The following ANKZF1 variants were observed in gnomAD, a reference collection of about 807,000 sequenced individuals.
ANKZF1 encodes tRNA endonuclease ANKZF1.
Under a neutral mutation model 86.0 loss-of-function variants are expected in ANKZF1, and 84 were observed. The ratio of observed to expected loss-of-function variants is 0.98; its 90% CI spans 0.82 to 1.17. ANKZF1 has a LOEUF of 1.17. Among genes scored for constraint, ANKZF1 ranks in the 50% most tolerant of loss-of-function variants. ANKZF1 has a pLI of 0.00. For missense variants in ANKZF1, 893 were observed against 918.4 expected (o/e 0.97, Z 0.36); for synonymous variants, 331 against 354.2 (o/e 0.93, Z 0.74).
Position 219,232,666 on chromosome 2 carries a change from G to A in ANKZF1, c.541G>A (p.Val181Ile). 6.2e-7 allele frequency: 1 copy of A among 1,614,016 alleles called. No individual in the cohort carries two copies. The highest frequency in any genetic ancestry group is 8.5e-7 in the Non-Finnish European group (1 of 1,180,018). Residue 181 changes from valine (V) to isoleucine (I), a missense_variant, in exon 5 of 14, where the codon GTC (valine) becomes ATC (isoleucine). Val to Ile is a conservative substitution (Grantham distance 29). Coordinates refer to ENST00000323348, the MANE Select transcript of ANKZF1 (RefSeq NM_018089.3). ...CCAGTTTCTTTATGCCTACCGCTGT[G>A]TCCTAGGCCCTCATCAGGCAAGTGA... ...QGQFLYAYRC[V>I]LGPHQDPPEE...
At position 219,235,479 on chromosome 2, in the gene ANKZF1, C is replaced by T. The variant is rs2293075; in HGVS notation, c.1697C>T (p.Ser566Phe). 14 of 1,613,806 alleles carry T rather than the reference C, an allele frequency of 8.7e-6. No individual in the cohort carries two copies. Among genetic ancestry groups the T allele is most frequent in the Non-Finnish European group, 1.1e-5 (13 of 1,179,948 alleles). Residue 566 changes from serine (S) to phenylalanine (F), a missense_variant, in exon 11 of 14, where the codon TCT becomes TTT. Transcript: ENST00000323348. The stretch of plus-strand genomic sequence containing the variant: ...TTTGGAGTTTTTGCACCTAGGGACT[C>T]TCGGGCCCGGCCACCTTATACTGTT... ...EAGADPTVQD[S>F]RARPPYTVAA... is the part of the protein sequence containing the mutation.
intron 7 of ANKZF1, 72 bp from the exon 8 acceptor site, chr2:219,233,643 G>A: frequency 6.6e-7 from 1 of 1,511,244 alleles, no homozygotes; most frequent in Non-Finnish European, 8.9e-7. Context: ...ACTTCTGTGG[G>A]CCATTTTTTT....
intron 13 of ANKZF1, 71 bp downstream of exon 13, chr2:219,236,166 G>T (rs560538029): frequency 8.0e-5 from 128 of 1,601,508 alleles, no homozygotes; most frequent in Non-Finnish European, 1.1e-4. Flanking sequence ...AGAGAAATGA[G>T]TACCTGCACA....
intron 2 of ANKZF1, chr2:219,231,335 C>T (rs1280076507): frequency 1.8e-5 from 4 of 224,516 alleles, no homozygotes; most frequent in Non-Finnish European, 3.0e-5. Flanking sequence ...TTACCCTCAT[C>T]GGATTCTTTT....
Position 219,232,573 on chromosome 2 carries a change from A to T in ANKZF1, c.448A>T (p.Thr150Ser). 6.2e-7 allele frequency: 1 copy of T among 1,614,214 alleles called. No individual in the cohort carries two copies. Among genetic ancestry groups the T allele is most frequent in the Non-Finnish European group, 8.5e-7 (1 of 1,180,040 alleles). The change falls in exon 5 of 14, where the codon ACA becomes TCA. Residue 150 changes from threonine to serine, a missense_variant. Thr to Ser is a moderately conservative substitution (Grantham distance 58, BLOSUM62 1). Transcript: ENST00000323348. ...GCAGACACTGGATCGGGAGAGGGCT[A>T]CATTTGAGAAGTTGAGCCGACCCCC... ...DLQTLDRERA[T>S]FEKLSRPPGF...
At chr2:219,234,367 T>C in intron 9 of ANKZF1, 79 bp downstream of exon 9, 1 of 1,576,826 alleles carries the variant, frequency 6.3e-7, no homozygotes, top group Non-Finnish European at 8.7e-7. Context: ...CTCTCATAAC[T>C]GACCCATTTC....
At position 219,230,252 on chromosome 2, in the gene ANKZF1, TCAGC is replaced by T; in HGVS notation, c.-3_1del. 6.2e-7 allele frequency: 1 copy of T among 1,612,358 alleles called. No individual in the cohort carries two copies. Among genetic ancestry groups the T allele is most frequent in the African/African-American group, 1.3e-5 (1 of 75,014 alleles). On this transcript the variant is annotated 5_prime_UTR_variant, in exon 2 of 14. Coordinates refer to ENST00000323348, the MANE Select transcript of ANKZF1 (RefSeq NM_018089.3). ...GGAGCTGCTGCTAAATAATTTCTGC[TCAGC>T]CATGTCGCCGGCTCCAGATGCAGCC... is the stretch of plus-strand genomic sequence containing the variant.
At position 219,233,791 on chromosome 2, in the gene ANKZF1, C is replaced by T; in HGVS notation, c.896C>T (p.Pro299Leu). Reference sequence around the variant, plus strand: ...GCTGGTACAATACTGTTGCGTGCTCCCCGCTCTGGCCGGTCTTTGTTCTTT... The same window carrying T: ...GCTGGTACAATACTGTTGCGTGCTCTCCGCTCTGGCCGGTCTTTGTTCTTT... ...EEAGTILLRAPRSGRSLFFGG... is the reference protein window; with the variant it reads ...EEAGTILLRALRSGRSLFFGG... The change falls in exon 8 of 14, where the codon CCC (proline) becomes CTC (leucine). Residue 299 changes from proline (P) to leucine (L), a missense_variant. Transcript: ENST00000323348. 5.0e-6 allele frequency: 8 copies of T among 1,614,124 alleles called. No homozygotes were observed. The highest frequency in any genetic ancestry group is 6.8e-6 in the Non-Finnish European group (8 of 1,180,038).
At chr2:219,233,594 ATTCT>A (rs1397527152) in intron 7 of ANKZF1, 117 bp from the exon 8 acceptor site, 1 of 1,404,212 alleles carries the variant, frequency 7.1e-7, no homozygotes, top group East Asian at 2.3e-5. Context: ...TTAGTCCTCT[ATTCT>A]TTCTCCGTGT....
At chr2:219,233,639 G>A in intron 7 of ANKZF1, 76 bp from the exon 8 acceptor site, 3 of 1,504,390 alleles carry the variant, frequency 2.0e-6, no homozygotes, top group Non-Finnish European at 2.7e-6. Context: ...TTGCACTTCT[G>A]TGGGCCATTT....
chr2:219,234,680 G>A, intron 9 of ANKZF1, 146 bp from the exon 10 acceptor site: 1 of 1,080,500 alleles, frequency 9.3e-7, no homozygotes, highest in Non-Finnish European at 1.3e-6. Flanking sequence ...TTCTGCATGT[G>A]ATATAATGGA....
At chr2:219,235,344 G>A in intron 10 of ANKZF1, 32 bp downstream of exon 10, 2 of 1,598,996 alleles carry the variant, frequency 1.3e-6, no homozygotes, top group Non-Finnish European at 1.7e-6. Context: ...GAGTCATTTT[G>A]GGTATAGAGA....
chr2:219,232,306 G>A lies in ANKZF1; in HGVS notation c.308G>A (p.Arg103His), dbSNP rs765254854. 2.2e-5 allele frequency: 35 copies of A among 1,614,080 alleles called. No individual in the cohort carries two copies. Among genetic ancestry groups the A allele is most frequent in the Admixed American group, 3.3e-5 (2 of 59,996 alleles). Residue 103 changes from arginine to histidine, a missense_variant, in exon 4 of 14, where the codon CGT becomes CAT. Physicochemically the swap from Arg to His is conservative, Grantham distance 29. Transcript: ENST00000323348. ...LDWHRFNLKQ[R>H]LKDKPLLSAL... is the part of the protein sequence containing the mutation. ...TGGCATCGGTTTAACCTAAAGCAACGTCTCAAGGACAAGCCTCTCCTGTCT... is the reference window on the plus strand; with the variant it reads ...TGGCATCGGTTTAACCTAAAGCAACATCTCAAGGACAAGCCTCTCCTGTCT...
At chr2:219,232,953 T>C in intron 5 of ANKZF1, 126 bp from the exon 6 acceptor site, 2 of 994,838 alleles carry the variant, frequency 2.0e-6, no homozygotes, top group Non-Finnish European at 3.0e-6. Context: ...ATTTCCTTGT[T>C]TGTCAAATGG....
At position 219,232,000 on chromosome 2, in the gene ANKZF1, G is replaced by C; in HGVS notation, c.221G>C (p.Cys74Ser). ...GPMDISEKLFCSTCDQTFQNH... is the reference protein window; with the variant it reads ...GPMDISEKLFSSTCDQTFQNH... ...ATGGATATTTCAGAGAAGTTATTTT[G>C]TTCAACTTGTGACCAGACCTTCCAG... Residue 74 changes from cysteine (C) to serine (S), a missense_variant, in exon 3 of 14, where the codon TGT (cysteine) becomes TCT (serine). Coordinates refer to ENST00000323348, the MANE Select transcript of ANKZF1 (RefSeq NM_018089.3). The C allele has an allele frequency of 6.2e-7, 1 of 1,613,068 alleles. No individual in the cohort carries two copies. Among genetic ancestry groups the C allele is most frequent in the Non-Finnish European group, 8.5e-7 (1 of 1,179,724 alleles).
Position 219,233,371 on chromosome 2 carries a change from G to C in ANKZF1, c.757G>C (p.Gly253Arg). 6.2e-7 allele frequency: 1 copy of C among 1,614,250 alleles called. No homozygotes were observed. Among genetic ancestry groups the C allele is most frequent in the Non-Finnish European group, 8.5e-7 (1 of 1,180,052 alleles). The change falls in exon 7 of 14, where the codon GGT becomes CGT. Residue 253 changes from glycine (G) to arginine (R), a missense_variant. Gly to Arg is a moderately radical substitution (Grantham distance 125). Coordinates refer to ENST00000323348, the MANE Select transcript of ANKZF1 (RefSeq NM_018089.3). ...GTAQGLRDARGGPSHSAGANL... is the reference protein window; with the variant it reads ...GTAQGLRDARRGPSHSAGANL... ...AGCCCAGGGGCTTCGGGATGCCCGA[G>C]GTGGGCCATCACACTCTGCTGGAGC...
chr2:219,230,804 TCTC>T (rs981857130), intron 2 of ANKZF1: 1 of 155,368 alleles, frequency 6.4e-6, no homozygotes, highest in Non-Finnish European at 1.4e-5. Flanking sequence ...AGTGGCACGA[TCTC>T]CACCCACTGC....
Position 219,233,910 on chromosome 2 carries a change from G to T in ANKZF1, c.1015G>T (p.Val339Leu). ...RRPTFQELQR[V>L]LHKLTTLHVY... The stretch of plus-strand genomic sequence containing the variant: ...ACCCACCTTCCAAGAGCTACAGCGT[G>T]TGCTCCATAAGCTGACCACTTTGCA... The change falls in exon 8 of 14, where the codon GTG (valine) becomes TTG (leucine). Residue 339 changes from valine to leucine, a missense_variant. Coordinates refer to ENST00000323348, the MANE Select transcript of ANKZF1 (RefSeq NM_018089.3). The T allele has an allele frequency of 6.9e-6, 11 of 1,601,344 alleles. No individual in the cohort carries two copies. Among genetic ancestry groups the T allele is most frequent in the Non-Finnish European group, 9.4e-6 (11 of 1,174,086 alleles).
In ANKZF1 at chr2:219,236,631, A is replaced by C. The variant is rs1128777; in HGVS notation, c.*186A>C. 1 of 794,856 alleles carries C rather than the reference A, an allele frequency of 1.3e-6. No individual in the cohort carries two copies. The highest frequency in any genetic ancestry group is 1.9e-6 in the Non-Finnish European group (1 of 530,162). The allele number at this position is 794,856 out of a possible 1,614,324, so 49.2% of individuals were successfully genotyped here. A position where few individuals can be genotyped will look rare whatever the true frequency, so the allele number is the denominator to read the frequency against. On this transcript the variant is annotated 3_prime_UTR_variant, in exon 14 of 14. Transcript: ENST00000323348. ...TGGTACTGTCTCTGGAATTTTAATCACAATAAAGTTTGGCAAGGAATGTGT... is the reference window on the plus strand; with the variant it reads ...TGGTACTGTCTCTGGAATTTTAATCCCAATAAAGTTTGGCAAGGAATGTGT...
Sources: gnomAD v4.1 joint callset for allele counts on GRCh38, gnomAD v4.1.1 for gene constraint, MANE v1.5 for transcripts, NCBI Gene and HGNC (gene_info 2026-07-23, HGNC 2026-07-21) for gene names.